The following DGKB variants were observed in gnomAD, a reference collection of about 807,000 sequenced individuals.
DGKB encodes the protein 90 kDa diacylglycerol kinase.
In DGKB, 67 loss-of-function variants were observed where a neutral mutation model predicts 114.3. The ratio of observed to expected loss-of-function variants is 0.59; its 90% confidence interval spans 0.48 to 0.72. The LOEUF (loss-of-function observed/expected upper bound fraction) is 0.72. DGKB is among the 30% of genes least tolerant of loss of function. DGKB has a pLI of 0.00. For missense variants in DGKB, 907 were observed against 975.2 expected, an observed-to-expected ratio of 0.93 and a Z score of 0.93; for synonymous variants, 398 against 323.1, an observed-to-expected ratio of 1.23 and a Z score of -2.49.
intron 20 of DGKB, among the ~76,000 whole-genome samples, chr7:14,557,590 A>G (rs1290561837): frequency 6.6e-6 from 1 of 152,086 alleles, no homozygotes; most frequent in African/African-American, 2.4e-5. Flanking sequence ...TTTTAAAAAA[A>G]TAACATCTTC....
At chr7:14,330,898 C>T (rs1335042352) in intron 23 of DGKB, among the ~76,000 whole-genome samples, 1 of 151,706 alleles carries the variant, frequency 6.6e-6, no homozygotes, top group Non-Finnish European at 1.5e-5. Context: ...AGTACCTGGT[C>T]TTATATATTG....
intron 17 of DGKB, among the ~76,000 whole-genome samples, chr7:14,593,330 T>C (rs1301482303): frequency 1.3e-5 from 2 of 152,024 alleles, no homozygotes; most frequent in Non-Finnish European, 1.5e-5. Context: ...TAAATAACTT[T>C]AATATTCCTT....
intron 2 of DGKB, among the ~76,000 whole-genome samples, chr7:14,838,458 G>A (rs1847452730): frequency 6.6e-6 from 1 of 152,068 alleles, no homozygotes; most frequent in African/African-American, 2.4e-5. Context: ...CAAACTCAAT[G>A]CTTTCTTTAC....
chr7:14,459,063 T>A (rs1029941818), intron 21 of DGKB, among the ~76,000 whole-genome samples: 1 of 152,160 alleles, frequency 6.6e-6, no homozygotes, highest in Non-Finnish European at 1.5e-5. Flanking sequence ...GGTTTTACCC[T>A]CACAGTGTAA....
intron 1 of DGKB, among the ~76,000 whole-genome samples, chr7:14,964,455 G>A (rs970266616): frequency 5.9e-5 from 9 of 152,130 alleles, no homozygotes; most frequent in Non-Finnish European, 8.8e-5. Context: ...AGCTAAGATC[G>A]CACCATTGCA....
intron 15 of DGKB, among the ~76,000 whole-genome samples, chr7:14,614,188 T>C (rs1806110400): frequency 6.6e-6 from 1 of 152,108 alleles, no homozygotes. Context: ...CAAATACATA[T>C]TTAGCAATGA....
chr7:14,647,076 G>C (rs993967787), intron 13 of DGKB, among the ~76,000 whole-genome samples: 1 of 151,694 alleles, frequency 6.6e-6, no homozygotes, highest in African/African-American at 2.4e-5. Flanking sequence ...ATTAGACTAA[G>C]AAATAATAAA....
chr7:14,251,573 A>G (rs1244712365), intron 23 of DGKB, among the ~76,000 whole-genome samples: 1 of 152,074 alleles, frequency 6.6e-6, no homozygotes, highest in Non-Finnish European at 1.5e-5. Context: ...GAATTTGATG[A>G]TATTTTTACC....
chr7:14,762,601 C>A (rs1835870356), intron 2 of DGKB, among the ~76,000 whole-genome samples: 1 of 152,066 alleles, frequency 6.6e-6, no homozygotes. Flanking sequence ...ACACTTAGTT[C>A]CTCTCACATC....
intron 21 of DGKB, among the ~76,000 whole-genome samples, chr7:14,392,523 GA>G (rs1821474924): frequency 6.6e-6 from 1 of 152,140 alleles, no homozygotes; most frequent in African/African-American, 2.4e-5. Flanking sequence ...ATATGTAAAT[GA>G]ATATATATGA....
intron 9 of DGKB, among the ~76,000 whole-genome samples, chr7:14,688,091 A>G (rs1377163199): frequency 6.6e-6 from 1 of 152,040 alleles, no homozygotes; most frequent in African/African-American, 2.4e-5. Context: ...TGCAAATTAT[A>G]CTCCAACTCT....
intron 1 of DGKB, among the ~76,000 whole-genome samples, chr7:14,854,993 C>T (rs1403925130): frequency 2.0e-5 from 3 of 152,080 alleles, no homozygotes; most frequent in African/African-American, 4.8e-5. Flanking sequence ...ACCCAAGAGA[C>T]ACCCTTCAAA....
intron 1 of DGKB, among the ~76,000 whole-genome samples, chr7:14,931,839 C>T (rs999187386): frequency 1.0e-4 from 14 of 140,206 alleles, no homozygotes; most frequent in Admixed American, 3.5e-4. Flanking sequence ...TCCCAGGGAG[C>T]GGGGTGGGTC....
In DGKB at chr7:14,835,828, C is replaced by A. The variant is rs538705496; in HGVS notation, c.70+5366G>T. ...CATGAAAAACATAAACAAATTATTC[C>A]TGTTTTGACCTTTGTTATCACTTAT... On this transcript the variant is annotated intron_variant, in intron 2 of 25. Coordinates refer to ENST00000402815, the MANE Select transcript of DGKB (RefSeq NM_001350709.2). 3.9e-5 allele frequency among the ~76,000 whole-genome samples: 6 copies of A among 152,190 alleles called. No homozygotes were observed. The South Asian group carries it at 1.2e-3, about 32-fold the overall frequency.
intron 17 of DGKB, among the ~76,000 whole-genome samples, chr7:14,587,466 G>C (rs1368910922): frequency 5.9e-5 from 9 of 152,076 alleles, no homozygotes; most frequent in Non-Finnish European, 1.3e-4. Flanking sequence ...TGGTAACAAA[G>C]GATTTAGATT....
chr7:14,701,152 A>C (rs1157327132), intron 7 of DGKB, among the ~76,000 whole-genome samples: 1 of 152,178 alleles, frequency 6.6e-6, no homozygotes, highest in Non-Finnish European at 1.5e-5. Flanking sequence ...AATGAATATT[A>C]AACTGGATGA....
chr7:14,559,640 T>C (rs1796360518), intron 20 of DGKB, among the ~76,000 whole-genome samples: 1 of 152,226 alleles, frequency 6.6e-6, no homozygotes, highest in Non-Finnish European at 1.5e-5. Flanking sequence ...TGTTACATCA[T>C]GAATTTATTA....
chr7:14,903,720 T>C (rs1282303685), upstream of DGKB, among the ~76,000 whole-genome samples: 2 of 152,236 alleles, frequency 1.3e-5, no homozygotes, highest in East Asian at 3.9e-4. Context: ...GTGTAACCAA[T>C]CAGGGCACAG....
intron 2 of DGKB, among the ~76,000 whole-genome samples, chr7:14,794,503 G>C (rs746554099): frequency 2.0e-5 from 3 of 152,100 alleles, no homozygotes; most frequent in African/African-American, 7.2e-5. Context: ...TGCTGATCAA[G>C]TGGTAAAAGA....
Sources: allele counts gnomAD v4.1 joint callset (sites outside exome capture counted in the v4.1 genomes callset), GRCh38; gene constraint gnomAD v4.1.1; transcripts MANE v1.5; gene names NCBI Gene and HGNC (gene_info 2026-07-23, HGNC 2026-07-21).